Variants in VPS50 observed in about 807,000 individuals in gnomAD.
The protein encoded by VPS50 is VPS50 subunit of EARP/GARPII complex, also known as syndetin.
VPS50 carries 70 observed loss-of-function variants against 139.7 expected under a neutral mutation model. The ratio of observed to expected loss-of-function variants is 0.50; its 90% CI spans 0.41 to 0.61. The LOEUF (loss-of-function observed/expected upper bound fraction) is 0.61, where lower values mean the gene tolerates loss of function less well. Ranked by LOEUF, VPS50 falls within the 20% of genes least tolerant of loss-of-function variation. VPS50 has a pLI of 0.00. For synonymous variants in VPS50, 365 were observed against 376.7 expected (o/e 0.97, Z 0.36); for missense variants, 921 against 1,133.7 (o/e 0.81, Z 2.69).
intron 12 of VPS50, among the ~76,000 whole-genome samples, chr7:93,279,108 T>A (rs1796248567): frequency 6.6e-6 from 1 of 152,178 alleles, no homozygotes; most frequent in African/African-American, 2.4e-5. Context: ...TTTCTTTGGC[T>A]ATTCTCAATA....
At chr7:93,246,999 C>T (rs1584383104) in intron 2 of VPS50, among the ~76,000 whole-genome samples, 1 of 151,934 alleles carries the variant, frequency 6.6e-6, no homozygotes, top group East Asian at 1.9e-4. Flanking sequence ...TGACTTAAAT[C>T]TCTAATATGA....
At chr7:93,287,858 T>TGTGTATG (rs1233341981) in intron 12 of VPS50, among the ~76,000 whole-genome samples, 14 of 152,136 alleles carry the variant, frequency 9.2e-5, no homozygotes, top group Non-Finnish European at 1.5e-4. Flanking sequence ...TTTCGTCATA[T>TGTGTATG]GTGTATGGTG....
chr7:93,290,698 A>G (rs1796623950), intron 12 of VPS50, among the ~76,000 whole-genome samples: 1 of 152,182 alleles, frequency 6.6e-6, no homozygotes, highest in African/African-American at 2.4e-5. Context: ...AATTTCAAAG[A>G]TTTGATATAC....
chr7:93,241,575 C>A (rs1277117940), intron 2 of VPS50, among the ~76,000 whole-genome samples: 1 of 152,064 alleles, frequency 6.6e-6, no homozygotes, highest in Non-Finnish European at 1.5e-5. Context: ...TCTGTGTTCT[C>A]CTATAGCATA....
chr7:93,342,704 AC>A (rs759334785), intron 23 of VPS50, among the ~76,000 whole-genome samples: 10 of 152,068 alleles, frequency 6.6e-5, no homozygotes, highest in Middle Eastern at 3.2e-3. Context: ...ACTGGGAGGC[AC>A]CCCCCAGCAG....
intron 6 of VPS50, 191 bp downstream of exon 6, chr7:93,257,655 A>T: frequency 2.4e-6 from 1 of 414,328 alleles, no homozygotes; most frequent in Non-Finnish European, 4.2e-6. Flanking sequence ...AAGTGTACTT[A>T]TGGGTTTTAA....
chr7:93,288,407 G>A (rs1363996639), intron 12 of VPS50, among the ~76,000 whole-genome samples: 1 of 152,130 alleles, frequency 6.6e-6, no homozygotes, highest in South Asian at 2.1e-4. Context: ...ATATTTCAGT[G>A]TTTTGCAATT....
At chr7:93,246,228 T>A (rs1252164821) in intron 2 of VPS50, 1 of 794,010 alleles carries the variant, frequency 1.3e-6, no homozygotes, top group Non-Finnish European at 2.0e-6. Flanking sequence ...GATCAAAGAT[T>A]TGCTGTGGCA....
intron 20 of VPS50, among the ~76,000 whole-genome samples, chr7:93,313,889 A>G (rs1388572898): frequency 6.6e-6 from 1 of 152,226 alleles, no homozygotes; most frequent in Non-Finnish European, 1.5e-5. Context: ...AACAATGCCG[A>G]GTATGACAAT....
At chr7:93,243,128 G>A (rs1795045801) in intron 2 of VPS50, among the ~76,000 whole-genome samples, 2 of 151,912 alleles carry the variant, frequency 1.3e-5, no homozygotes. Flanking sequence ...AAGTCAAATG[G>A]TAATCTATAT....
Position 93,305,751 on chromosome 7 carries a change from G to C in VPS50, c.1453-77G>C, listed in dbSNP as rs1797095227. The C allele has an allele frequency of 6.1e-6, 6 of 979,484 alleles. No individual in the cohort carries two copies. The East Asian group carries it at 1.4e-4, about 24-fold the overall frequency. The allele number at this position is 979,484 out of a possible 1,614,324, so 60.7% of individuals were successfully genotyped here. On this transcript the variant is annotated intron_variant, in intron 17 of 27. Coordinates refer to ENST00000305866, the MANE Select transcript of VPS50 (RefSeq NM_017667.4). The stretch of plus-strand genomic sequence containing the variant: ...TGTTGTTTTTCTACTAACTCTACAT[G>C]TATATTGAGGGATTCGGTTTATGTA...
rs1795549132 is a variant in VPS50 at position 93,258,197 on chromosome 7, G to A, written c.461G>A (p.Ser154Asn). Reference protein sequence around the residue: ...NIAKEGFTQASLGLLANQRKR... With the variant: ...NIAKEGFTQANLGLLANQRKR... ...GCAAAGGAAGGTTTTACTCAAGCTA[G>A]TTTAGGCCTTCTTGCAAATCAAAGG... The change falls in exon 7 of 28, where the codon AGT (serine) becomes AAT (asparagine). Residue 154 changes from serine (S) to asparagine (N), a missense_variant. By Grantham distance (46) the Ser-to-Asn change is conservative. Transcript: ENST00000305866. 6.3e-7 allele frequency: 1 copy of A among 1,591,680 alleles called. No individual in the cohort carries two copies. The highest frequency in any genetic ancestry group is 8.6e-7 in the Non-Finnish European group (1 of 1,159,986).
intron 24 of VPS50, 76 bp downstream of exon 24, chr7:93,348,883 T>C: frequency 9.7e-7 from 1 of 1,028,414 alleles, no homozygotes; most frequent in Non-Finnish European, 1.5e-6. Context: ...TTTTTTGTTG[T>C]TTTTTTTAAC....
chr7:93,320,408 A>G (rs1373259105), intron 20 of VPS50: 3 of 146,564 alleles, frequency 2.0e-5, no homozygotes, highest in Admixed American at 1.4e-4. Context: ...AGGCTGGAGT[A>G]CAGTGGCGCA....
chr7:93,352,131 A>T (rs1798579513), intron 25 of VPS50, among the ~76,000 whole-genome samples: 1 of 152,212 alleles, frequency 6.6e-6, no homozygotes, highest in African/African-American at 2.4e-5. Context: ...AGCAATAAGT[A>T]GAATGTTATT....
chr7:93,294,991 A>G (rs1345516549), intron 14 of VPS50, among the ~76,000 whole-genome samples: 4 of 151,896 alleles, frequency 2.6e-5, no homozygotes, highest in Admixed American at 6.6e-5. Flanking sequence ...TTTTTCTGTT[A>G]ATTTTAGAAA....
chr7:93,303,343 T>A (rs1797031369), intron 16 of VPS50, 117 bp from the exon 17 acceptor site: 1 of 444,472 alleles, frequency 2.2e-6, no homozygotes, highest in African/African-American at 2.0e-5. Flanking sequence ...TTCTCAAAGT[T>A]GATTATGATC....
rs1399643496 is a variant in VPS50, at chr7:93,283,183, G to T, written c.942+6878G>T. On this transcript the variant is annotated intron_variant, in intron 12 of 27. Transcript: ENST00000305866. ...TATTCTTAGCACTATAACTTGTTAA[G>T]TGTAAACCAGTTCACTTGTCATTAC... is the stretch of plus-strand genomic sequence containing the variant. Among the ~76,000 whole-genome samples, 21 of 151,486 alleles carry T rather than the reference G, an allele frequency of 1.4e-4. No individual in the cohort carries two copies. In the East Asian group the frequency reaches 4.1e-3, roughly 29 times the overall value.
At chr7:93,298,533 A>G (rs533176857) in intron 16 of VPS50, among the ~76,000 whole-genome samples, 1 of 152,300 alleles carries the variant, frequency 6.6e-6, no homozygotes, top group East Asian at 1.9e-4. Context: ...CAACATGACA[A>G]CTGGGAGAAC....
Sources: allele counts gnomAD v4.1 joint callset (sites outside exome capture counted in the v4.1 genomes callset), GRCh38; gene constraint gnomAD v4.1.1; transcripts MANE v1.5; gene names NCBI Gene and HGNC (gene_info 2026-07-23, HGNC 2026-07-21).